Variants in ATP10A observed in about 807,000 individuals in gnomAD.
ATP10A encodes phospholipid-transporting ATPase VA.
Under a neutral mutation model 147.8 loss-of-function variants are expected in ATP10A, and 111 were observed. That is an observed-to-expected ratio of 0.75 (90% CI 0.64 to 0.88). The LOEUF (loss-of-function observed/expected upper bound fraction) is 0.88. ATP10A is among the 40% of genes least tolerant of loss of function. The probability of loss-of-function intolerance (pLI) is 0.00; values close to 1 mark genes in which losing one functional copy is unlikely to be tolerated. For missense variants in ATP10A, 1,927 were observed against 1,959.0 expected, an observed-to-expected ratio of 0.98 and a Z score of 0.31; for synonymous variants, 875 against 841.6, an observed-to-expected ratio of 1.04 and a Z score of -0.69.
chr15:25,713,947 G>C lies in ATP10A; in HGVS notation c.2071C>G (p.Leu691Val), dbSNP rs988206996. ...TCCGGGCTCTCCGCCTCGTACCGCA[G>C]CTCGCGCTCTGACTCCTGCTCCTGA... ...LAQEQESERE[L>V]RYEAESPDEA... The change falls in exon 10 of 21, where the codon CTG becomes GTG. Residue 691 changes from leucine to valine, a missense_variant. Coordinates refer to ENST00000555815, the MANE Select transcript of ATP10A (RefSeq NM_024490.4). The C allele has an allele frequency of 6.2e-7, 1 of 1,610,954 alleles. No homozygotes were observed. Among genetic ancestry groups the C allele is most frequent in the Non-Finnish European group, 8.5e-7 (1 of 1,179,982 alleles).
In ATP10A at chr15:25,787,626, A is replaced by AG. The variant is rs1567384529; in HGVS notation, c.450-6404_450-6403insC. On this transcript the variant is annotated intron_variant, in intron 1 of 20. Transcript: ENST00000555815. ...GACTCCTTCTTAAAAAAAAAAAAAA[A>AG]AAAAGAAGAAAGAAAAAGAAAAAGA... Among the ~76,000 whole-genome samples, 381 of 52,462 alleles carry AG rather than the reference A, an allele frequency of 7.3e-3. 5 individuals are homozygous for AG. In the East Asian group the frequency reaches 0.13, roughly 18 times the overall value. The allele number at this position is 52,462 out of a possible 152,430, so 34.4% of individuals were successfully genotyped here.
intron 5 of ATP10A, among the ~76,000 whole-genome samples, chr15:25,724,753 C>T (rs56362116): frequency 0.037 from 5,582 of 152,268 alleles, 178 homozygotes; most frequent in African/African-American, 0.08. Context: ...TTACCACCAC[C>T]GCTGTGATGA....
intron 15 of ATP10A, among the ~76,000 whole-genome samples, chr15:25,688,707 T>C (rs941318720): frequency 9.2e-5 from 14 of 152,164 alleles, no homozygotes; most frequent in African/African-American, 3.1e-4. Flanking sequence ...TCAAATAATA[T>C]GTAGAAAGCA....
chr15:25,757,440 T>C (rs1031360552), intron 2 of ATP10A, among the ~76,000 whole-genome samples: 7 of 152,056 alleles, frequency 4.6e-5, no homozygotes, highest in African/African-American at 1.2e-4. Context: ...GAAAGTAAGA[T>C]GTGTTTTTGG....
rs913824690 is a variant in ATP10A at position 25,678,768 on chromosome 15, C to G, written c.*573G>C. The stretch of plus-strand genomic sequence containing the variant: ...ACGATTTAACAGGCAAAATACGACA[C>G]CAGGGATGTAATACCTACAAGGCGG... On this transcript the variant is annotated 3_prime_UTR_variant, in exon 21 of 21. Transcript: ENST00000555815. The G allele has an allele frequency of 6.6e-6, 1 of 152,170 alleles. No individual in the cohort carries two copies. The highest frequency in any genetic ancestry group is 2.4e-5 in the African/African-American group (1 of 41,444). The allele number at this position is 152,170 out of a possible 1,614,324, so 9.4% of individuals were successfully genotyped here. A position where few individuals can be genotyped will look rare whatever the true frequency, so the allele number is the denominator to read the frequency against.
intron 1 of ATP10A, among the ~76,000 whole-genome samples, chr15:25,828,592 C>T (rs770914838): frequency 1.7e-4 from 26 of 152,236 alleles, no homozygotes; most frequent in Middle Eastern, 3.4e-3. Context: ...TTGAGATGAA[C>T]GCAAACAAAA....
intron 1 of ATP10A, among the ~76,000 whole-genome samples, chr15:25,798,450 GA>G (rs1890784918): frequency 6.6e-6 from 1 of 152,152 alleles, no homozygotes; most frequent in Admixed American, 6.5e-5. Flanking sequence ...AGCCTCAGCA[GA>G]CACCCACGCA....
At chr15:25,756,218 A>C (rs943382177) in intron 2 of ATP10A, among the ~76,000 whole-genome samples, 1 of 152,218 alleles carries the variant, frequency 6.6e-6, no homozygotes, top group Non-Finnish European at 1.5e-5. Context: ...AGGAGAGAAC[A>C]CTGGCAAATG....
chr15:25,783,482 C>CA (rs1442792282), intron 1 of ATP10A, among the ~76,000 whole-genome samples: 2 of 147,074 alleles, frequency 1.4e-5, no homozygotes, highest in South Asian at 2.1e-4. Context: ...GAGGGACCCC[C>CA]CCCTGGCAAA....
chr15:25,734,578 G>A (rs987169930), intron 3 of ATP10A, among the ~76,000 whole-genome samples: 4 of 152,190 alleles, frequency 2.6e-5, no homozygotes, highest in Admixed American at 6.5e-5. Flanking sequence ...GAGGCCTGGG[G>A]AAGATGGCCC....
At position 25,679,668 on chromosome 15, in the gene ATP10A, C is replaced by T. The variant is rs543352421; in HGVS notation, c.4173G>A (p.Pro1391=). ...CCCCTGGCGCAGAGGACATGGGGGC[C>T]GGTGCGCTCAGCCCCTCCAGCAGGG... ...EHTLLEGLSA[P]APMSSAPGEA... The change falls in exon 21 of 21, where the codon CCG becomes CCA. Residue 1391 remains proline, a synonymous_variant. Transcript: ENST00000555815. 2.4e-5 allele frequency: 39 copies of T among 1,613,314 alleles called. No individual in the cohort carries two copies. Among genetic ancestry groups the T allele is most frequent in the African/African-American group, 1.1e-4 (8 of 75,064 alleles).
At chr15:25,814,891 T>C (rs1166720546) in intron 1 of ATP10A, among the ~76,000 whole-genome samples, 1 of 152,140 alleles carries the variant, frequency 6.6e-6, no homozygotes, top group Non-Finnish European at 1.5e-5. Flanking sequence ...CTGGCACCAA[T>C]GATGAAAAGC....
Position 25,679,453 on chromosome 15 carries a change from G to C in ATP10A, c.4388C>G (p.Ala1463Gly). ...VLQFSRTEQL[A>G]DGQAGRGLPV... ...AAGTCCACGTCCCGCTTGTCCATCT[G>C]CAAGCTGCTCCGTCCGGGAGAACTG... The change falls in exon 21 of 21, where the codon GCA (alanine) becomes GGA (glycine). Residue 1463 changes from alanine to glycine, a missense_variant. Transcript: ENST00000555815. 1 of 1,614,068 alleles carries C rather than the reference G, an allele frequency of 6.2e-7. No individual in the cohort carries two copies. Among genetic ancestry groups the C allele is most frequent in the Non-Finnish European group, 8.5e-7 (1 of 1,179,986 alleles).
chr15:25,692,500 A>T (rs1410150794), intron 14 of ATP10A, among the ~76,000 whole-genome samples: 7 of 152,240 alleles, frequency 4.6e-5, no homozygotes, highest in Non-Finnish European at 8.8e-5. Context: ...CAAGTTGCAC[A>T]AATGAGAAAA....
chr15:25,688,377 C>T (rs1332384231), intron 15 of ATP10A, among the ~76,000 whole-genome samples: 2 of 152,152 alleles, frequency 1.3e-5, no homozygotes, highest in Non-Finnish European at 2.9e-5. Flanking sequence ...CAACCCAGGA[C>T]GCCGGGTGCG....
chr15:25,743,097 T>C (rs1036610014), intron 2 of ATP10A, among the ~76,000 whole-genome samples: 1 of 152,156 alleles, frequency 6.6e-6, no homozygotes, highest in African/African-American at 2.4e-5. Flanking sequence ...CTCAGTGTAT[T>C]TGTAATAAAA....
At position 25,695,072 on chromosome 15, in the gene ATP10A, C is replaced by G. The variant is rs1900246309; in HGVS notation, c.2835G>C (p.Lys945Asn). Residue 945 changes from lysine (K) to asparagine (N), a missense_variant, in exon 14 of 21, where the codon AAG (lysine) becomes AAC (asparagine). Physicochemically the swap from Lys to Asn is moderately conservative, Grantham distance 94. Coordinates refer to ENST00000555815, the MANE Select transcript of ATP10A (RefSeq NM_024490.4). ...QSRGLQRAPE[K>N]TKGKVSMRFS... ...ACCTCATGCTCACTTTGCCCTTGGTCTTCTCAGGGGCTCTCTGGAGGCCTC... is the reference window on the plus strand; with the variant it reads ...ACCTCATGCTCACTTTGCCCTTGGTGTTCTCAGGGGCTCTCTGGAGGCCTC... 6.2e-7 allele frequency: 1 copy of G among 1,614,050 alleles called. No homozygotes were observed. Among genetic ancestry groups the G allele is most frequent in the Admixed American group, 1.7e-5 (1 of 59,992 alleles).
At chr15:25,837,130 C>T (rs757782463) in intron 1 of ATP10A, among the ~76,000 whole-genome samples, 9 of 152,034 alleles carry the variant, frequency 5.9e-5, no homozygotes, top group South Asian at 4.1e-4. Flanking sequence ...AGCCAATTTC[C>T]GGTATATAAT....
rs139061181 is a variant in ATP10A at position 25,679,740 on chromosome 15, G to T, written c.4101C>A (p.Ser1367Arg). The T allele has an allele frequency of 5.0e-6, 8 of 1,613,244 alleles. No individual in the cohort carries two copies. In the South Asian group the frequency reaches 8.8e-5, roughly 18 times the overall value. Residue 1367 changes from serine to arginine, a missense_variant, in exon 21 of 21, where the codon AGC becomes AGA. Coordinates refer to ENST00000555815, the MANE Select transcript of ATP10A (RefSeq NM_024490.4). ...TCATGTCCACTGTGCTGGGCTCCCC[G>T]CTGGCCTCCAGGGAGCAGACCGGCT... is the stretch of plus-strand genomic sequence containing the variant. ...TQQPVCSLEA[S>R]GEPSTVDMSM...
Sources: gnomAD v4.1 joint callset for allele counts (sites outside exome capture counted in the v4.1 genomes callset) on GRCh38, gnomAD v4.1.1 for gene constraint, MANE v1.5 for transcripts, NCBI Gene and HGNC (gene_info 2026-07-23, HGNC 2026-07-21) for gene names.